The following SPP1 variants were observed in gnomAD, a reference collection of about 807,000 sequenced individuals.
The protein encoded by SPP1 is osteopontin.
SPP1 carries 18 observed loss-of-function variants against 20.8 expected under a neutral mutation model. That is an observed-to-expected ratio of 0.87 (90% CI 0.60 to 1.29). SPP1 has a LOEUF of 1.29. Among genes scored for constraint, SPP1 ranks in the 50% most tolerant of loss-of-function variants. The pLI is 0.00. For synonymous variants in SPP1, 146 were observed against 141.5 expected (o/e 1.03, Z -0.23); for missense variants, 363 against 389.0 (o/e 0.93, Z 0.56).
At chr4:87,975,965 G>A (rs557499166) in intron 1 of SPP1, among the ~76,000 whole-genome samples, 165 bp downstream of exon 1, 2 of 152,218 alleles carry the variant, frequency 1.3e-5, no homozygotes, top group East Asian at 1.9e-4. Flanking sequence ...TGGAACAAAG[G>A]TGTCTAGATA....
At chr4:87,978,825 C>T (rs1725519570) in intron 3 of SPP1, among the ~76,000 whole-genome samples, 1 of 152,166 alleles carries the variant, frequency 6.6e-6, no homozygotes, top group South Asian at 2.1e-4. Flanking sequence ...TCATCCACCC[C>T]TTAGGTGGCT....
In SPP1 at chr4:87,982,727, A is replaced by T; in HGVS notation, c.776A>T (p.Asp259Val). ...KANDESNEHS[D>V]VIDSQELSKV... ...AATGATGAGAGCAATGAGCATTCCGATGTGATTGATAGTCAGGAACTTTCC... is the reference window on the plus strand; with the variant it reads ...AATGATGAGAGCAATGAGCATTCCGTTGTGATTGATAGTCAGGAACTTTCC... Residue 259 changes from aspartate (D) to valine (V), a missense_variant, in exon 7 of 7, where the codon GAT becomes GTT. Asp to Val is a radical substitution (Grantham distance 152, BLOSUM62 -3). Coordinates refer to ENST00000395080, the MANE Select transcript of SPP1 (RefSeq NM_001040058.2). 1 of 1,614,142 alleles carries T rather than the reference A, an allele frequency of 6.2e-7. No homozygotes were observed. The highest frequency in any genetic ancestry group is 1.3e-5 in the African/African-American group (1 of 75,026).
intron 4 of SPP1, 119 bp downstream of exon 4, chr4:87,980,245 CTGAT>C: frequency 6.9e-7 from 1 of 1,459,796 alleles, no homozygotes; most frequent in Non-Finnish European, 9.5e-7. Flanking sequence ...AGGACATTGA[CTGAT>C]CTGCCATGTT....
At chr4:87,977,176 G>T in intron 3 of SPP1, 79 bp downstream of exon 3, 1 of 1,372,022 alleles carries the variant, frequency 7.3e-7, no homozygotes. Flanking sequence ...TATTTGCTGC[G>T]ATATTACTTA....
chr4:87,978,388 CTTTTTTTTT>C lies in SPP1; in HGVS notation c.93+1308_93+1316del, dbSNP rs1159455110. Among the ~76,000 whole-genome samples, 4 of 89,680 alleles carry C rather than the reference CTTTTTTTTT, an allele frequency of 4.5e-5. No homozygotes were observed. In the Admixed American group the frequency reaches 5.9e-4, roughly 13 times the overall value. The allele number at this position is 89,680 out of a possible 152,430, so 58.8% of individuals were successfully genotyped here. A position where few individuals can be genotyped will look rare whatever the true frequency, so the allele number is the denominator to read the frequency against. Reference sequence around the variant, plus strand: ...TCTGGTCTCACTGTTTTTCCGCCTTCTTTTTTTTTTTTTTTTTTTTTTTTTGAGACGGAG... The same window carrying C: ...TCTGGTCTCACTGTTTTTCCGCCTTCTTTTTTTTTTTTTTTTGAGACGGAG... On this transcript the variant is annotated intron_variant, in intron 3 of 6. Coordinates refer to ENST00000395080, the MANE Select transcript of SPP1 (RefSeq NM_001040058.2).
At chr4:87,979,217 T>TGCA (rs1238820074) in intron 3 of SPP1, among the ~76,000 whole-genome samples, 2 of 144,858 alleles carry the variant, frequency 1.4e-5, no homozygotes, top group African/African-American at 5.2e-5. Flanking sequence ...CAGGCTGGAG[T>TGCA]GCAGTGGCGC....
rs1393311504 is a variant in SPP1, at chr4:87,981,554, G to A, written c.296G>A (p.Ser99Asn). ...DDEDDDDHVD[S>N]QDSIDSNDSD... Reference sequence around the variant, plus strand: ...GAAGATGATGATGACCATGTGGACAGCCAGGACTCCATTGACTCGAACGAC... The same window carrying A: ...GAAGATGATGATGACCATGTGGACAACCAGGACTCCATTGACTCGAACGAC... Residue 99 changes from serine (S) to asparagine (N), a missense_variant, in exon 6 of 7, where the codon AGC becomes AAC. Coordinates refer to ENST00000395080, the MANE Select transcript of SPP1 (RefSeq NM_001040058.2). The A allele has an allele frequency of 1.2e-6, 2 of 1,614,144 alleles. No individual in the cohort carries two copies. The highest frequency in any genetic ancestry group is 1.1e-5 in the South Asian group (1 of 91,080).
At chr4:87,980,196 TCAGATGAATCCTGCCTGCCTGCTGG>T in intron 4 of SPP1, 70 bp downstream of exon 4, 2 of 1,558,100 alleles carry the variant, frequency 1.3e-6, no homozygotes, top group South Asian at 1.1e-5. Flanking sequence ...TTTGGGCTGC[TCAGATGAATCCTGCCTGCCTGCTGG>T]CAAACATGTG....
chr4:87,980,086 A>AC lies in SPP1; in HGVS notation c.137dup (p.Asp47Ter). On this transcript the variant is annotated frameshift_variant, in exon 4 of 7. Transcript: ENST00000395080. LOFTEE classifies it high-confidence loss of function. ...CCAGATGCTGTGGCCACATGGCTAAACCCTGACCCATCTCAGAAGCAGAAT... is the reference window on the plus strand; with the variant it reads ...CCAGATGCTGTGGCCACATGGCTAAACCCCTGACCCATCTCAGAAGCAGAAT... 6.2e-7 allele frequency: 1 copy of AC among 1,614,176 alleles called. No individual in the cohort carries two copies. Among genetic ancestry groups the AC allele is most frequent in the Non-Finnish European group, 8.5e-7 (1 of 1,180,038 alleles).
At chr4:87,982,438 T>C (rs1372070449) in intron 6 of SPP1, 54 bp from the exon 7 acceptor site, 7 of 1,570,926 alleles carry the variant, frequency 4.5e-6, no homozygotes, top group Non-Finnish European at 6.0e-6. Context: ...AGGATTACCA[T>C]ATTCCCATCC....
intron 6 of SPP1, 59 bp downstream of exon 6, chr4:87,981,857 A>G: frequency 6.9e-7 from 1 of 1,441,334 alleles, no homozygotes; most frequent in South Asian, 1.3e-5. Context: ...CTAGGAAACC[A>G]CAGTTTGCAT....
chr4:87,978,549 A>AT (rs1453383320), intron 3 of SPP1, among the ~76,000 whole-genome samples: 10 of 151,634 alleles, frequency 6.6e-5, no homozygotes, highest in South Asian at 2.1e-4. Flanking sequence ...CGCCCGGATA[A>AT]TTTTTTGTAT....
chr4:87,977,970 A>G, intron 3 of SPP1: 1 of 594,038 alleles, frequency 1.7e-6, no homozygotes, highest in Non-Finnish European at 2.2e-6. Flanking sequence ...GAGAAGATAG[A>G]GGTCATACTA....
At chr4:87,980,597 T>G (rs1725600941) in intron 5 of SPP1, 163 bp downstream of exon 5, 1 of 689,756 alleles carries the variant, frequency 1.4e-6, no homozygotes, top group South Asian at 2.0e-5. Flanking sequence ...ATATCAGAAA[T>G]ACTAGGTTTC....
At chr4:87,979,445 T>C (rs1725558240) in intron 3 of SPP1, among the ~76,000 whole-genome samples, 1 of 152,106 alleles carries the variant, frequency 6.6e-6, no homozygotes, top group South Asian at 2.1e-4. Flanking sequence ...AGTGCTGGGA[T>C]TACAGGGGTG....
chr4:87,982,490 A>T lies in SPP1; in HGVS notation c.541-2A>T. The T allele has an allele frequency of 6.2e-7, 1 of 1,611,442 alleles. No homozygotes were observed. Among genetic ancestry groups the T allele is most frequent in the Non-Finnish European group, 8.5e-7 (1 of 1,178,088 alleles). ...TTATTCTTCATTTGTGCCGTGATTC[A>T]GTACCCTGATGCTACAGACGAGGAC... On this transcript the variant is annotated splice_acceptor_variant, in intron 6 of 6. Coordinates refer to ENST00000395080, the MANE Select transcript of SPP1 (RefSeq NM_001040058.2). LOFTEE classifies it high-confidence loss of function.
chr4:87,976,976 A>G, intron 2 of SPP1, 27 bp downstream of exon 2: 1 of 1,613,486 alleles, frequency 6.2e-7, no homozygotes, highest in Non-Finnish European at 8.5e-7. Flanking sequence ...CTTAAAGAAA[A>G]TTCCTGAAAA....
chr4:87,982,932 G>A lies in SPP1; in HGVS notation c.*36G>A, dbSNP rs757871659. The A allele has an allele frequency of 6.5e-7, 1 of 1,539,376 alleles. No homozygotes were observed. The highest frequency in any genetic ancestry group is 2.1e-5 in the Admixed American group (1 of 46,562). On this transcript the variant is annotated 3_prime_UTR_variant, in exon 7 of 7. Transcript: ENST00000395080. ...AATACAATTTCTCACTTTGCATTTA[G>A]TCAAAAGAAAAAATGCTTTATAGCA...
intron 6 of SPP1, among the ~76,000 whole-genome samples, 196 bp from the exon 7 acceptor site, chr4:87,982,296 T>A (rs1725680752): frequency 6.6e-6 from 1 of 152,108 alleles, no homozygotes; most frequent in East Asian, 1.9e-4. Context: ...AGTGATGTAG[T>A]TATTAAACTA....
Sources: gnomAD v4.1 joint callset for allele counts (sites outside exome capture counted in the v4.1 genomes callset) on GRCh38, gnomAD v4.1.1 for gene constraint, MANE v1.5 for transcripts, NCBI Gene and HGNC (gene_info 2026-07-23, HGNC 2026-07-21) for gene names.